The following PLEKHG4 variants were observed in gnomAD, a reference collection of about 807,000 sequenced individuals.
PLEKHG4 encodes the protein pleckstrin homology and RhoGEF domain containing G4.
PLEKHG4 carries 85 observed loss-of-function variants against 136.9 expected under a neutral mutation model. The ratio of observed to expected loss-of-function variants is 0.62; its 90% CI spans 0.52 to 0.74. The LOEUF (loss-of-function observed/expected upper bound fraction) is 0.74. PLEKHG4 is among the 30% of genes least tolerant of loss of function. PLEKHG4 has a pLI of 0.00. For synonymous variants in PLEKHG4, 577 were observed against 646.9 expected, an observed-to-expected ratio of 0.89 and a Z score of 1.64; for missense variants, 1,317 against 1,527.8, an observed-to-expected ratio of 0.86 and a Z score of 2.30.
At position 67,280,922 on chromosome 16, in the gene PLEKHG4, T is replaced by C; in HGVS notation, c.636T>C (p.Cys212=). The change falls in exon 4 of 22, where the codon TGT becomes TGC. Residue 212 remains cysteine (C), a synonymous_variant. Transcript: ENST00000379344. This position sits in a 1 kb window ranked among gnomAD's most constrained non-coding sequence, Gnocchi z 4.4. ...AAGGCCGGGCAGTGCTGCTTCTGTG[T>C]GCCCACAGCCCAGCCTGGCTTCAGT... is the stretch of plus-strand genomic sequence containing the variant. ...DVQGRAVLLL[C]AHSPAWLQSE... The C allele has an allele frequency of 6.2e-7, 1 of 1,613,118 alleles. No homozygotes were observed. Among genetic ancestry groups the C allele is most frequent in the Non-Finnish European group, 8.5e-7 (1 of 1,180,014 alleles).
chr16:67,287,564 T>C, intron 18 of PLEKHG4: 1 of 479,852 alleles, frequency 2.1e-6, no homozygotes. Context: ...CATGCCTAAT[T>C]TGTAAAATTT....
chr16:67,289,057 C>A lies in PLEKHG4; in HGVS notation c.*249C>A. The A allele has an allele frequency of 1.6e-6, 1 of 614,066 alleles. No individual in the cohort carries two copies. Among genetic ancestry groups the A allele is most frequent in the Non-Finnish European group, 2.9e-6 (1 of 339,502 alleles). 38.0% of individuals were successfully genotyped at this position (614,066 alleles called of 1,614,324 possible). A position where few individuals can be genotyped will look rare whatever the true frequency, so the allele number is the denominator to read the frequency against. On this transcript the variant is annotated 3_prime_UTR_variant, in exon 22 of 22. Transcript: ENST00000379344. ...TGACCCCTTCTCCTGTCCCCAGCTC[C>A]CATCCCAGTTGTGGGTTAAGAATAG...
chr16:67,288,347 C>T lies in PLEKHG4; in HGVS notation c.3401C>T (p.Pro1134Leu), dbSNP rs2036583924. 1 of 1,611,920 alleles carries T rather than the reference C, an allele frequency of 6.2e-7. No homozygotes were observed. The highest frequency in any genetic ancestry group is 2.2e-5 in the East Asian group (1 of 44,878). Residue 1134 changes from proline to leucine, a missense_variant, in exon 20 of 22, where the codon CCA (proline) becomes CTA (leucine). Pro to Leu is a moderately conservative substitution (Grantham distance 98). Transcript: ENST00000379344. ...CGCTGTCCCCTGTATCCCAGCTTCCCAGAGGAAGCAGCACTGGAGGCTGAG... is the reference window on the plus strand; with the variant it reads ...CGCTGTCCCCTGTATCCCAGCTTCCTAGAGGAAGCAGCACTGGAGGCTGAG... ...GLRCPLYPSF[P>L]EEAALEAEAE...
In PLEKHG4 at chr16:67,287,987, A is replaced by T; in HGVS notation, c.3193A>T (p.Thr1065Ser). The change falls in exon 19 of 22, where the codon ACC becomes TCC. Residue 1065 changes from threonine (T) to serine (S), a missense_variant. By Grantham distance (58) the Thr-to-Ser change is moderately conservative (BLOSUM62 1). Transcript: ENST00000379344. ...APSEEAINDR[T>S]VNYVLKCREV... Reference sequence around the variant, plus strand: ...CAGCGAGGAAGCCATCAACGACCGCACCGTCAACTATGTCCTGAAGTGCCG... The same window carrying T: ...CAGCGAGGAAGCCATCAACGACCGCTCCGTCAACTATGTCCTGAAGTGCCG... 1 of 1,613,418 alleles carries T rather than the reference A, an allele frequency of 6.2e-7. No homozygotes were observed. Among genetic ancestry groups the T allele is most frequent in the Non-Finnish European group, 8.5e-7 (1 of 1,179,452 alleles).
In PLEKHG4 at chr16:67,286,547, C is replaced by G. The variant is rs542204686; in HGVS notation, c.2635C>G (p.Arg879Gly). 14 of 1,569,480 alleles carry G rather than the reference C, an allele frequency of 8.9e-6. No individual in the cohort carries two copies. The South Asian group carries it at 1.4e-4, about 15-fold the overall frequency. Reference protein sequence around the residue: ...KYALLLQELARACGGPTQELS... With the variant: ...KYALLLQELAGACGGPTQELS... Reference sequence around the variant, plus strand: ...CGCACTGCTGCTGCAGGAGCTGGCACGGGCCTGCGGGGGCCCCACGCAGGA... The same window carrying G: ...CGCACTGCTGCTGCAGGAGCTGGCAGGGGCCTGCGGGGGCCCCACGCAGGA... Residue 879 changes from arginine to glycine, a missense_variant, in exon 16 of 22, where the codon CGG becomes GGG. Physicochemically the swap from Arg to Gly is moderately radical, Grantham distance 125. Transcript: ENST00000379344.
chr16:67,282,350 G>GT lies in PLEKHG4; in HGVS notation c.1253+2dup, dbSNP rs765690277. 6.6e-5 allele frequency: 106 copies of GT among 1,612,046 alleles called. No homozygotes were observed. The highest frequency in any genetic ancestry group is 9.0e-5 in the Non-Finnish European group (106 of 1,179,588). On this transcript the variant is annotated splice_donor_variant, in intron 9 of 21. Coordinates refer to ENST00000379344, the MANE Select transcript of PLEKHG4 (RefSeq NM_001129729.3). LOFTEE classifies it high-confidence loss of function. ...AGGTGACCCTGAGCCCAGACTACAG[G>GT]TGAGTGCAAGCCCGGCCCCCAGATC...
chr16:67,288,131 C>T, intron 19 of PLEKHG4, 36 bp from the exon 20 acceptor site: 1 of 1,591,740 alleles, frequency 6.3e-7, no homozygotes. Flanking sequence ...AGGCTAGGCT[C>T]TGGCCTGTCC....
rs785029 is a variant in PLEKHG4, at chr16:67,287,017, C to T, written c.2943C>T (p.Leu981=). 0.06 allele frequency: 96,882 copies of T among 1,613,298 alleles called. 3,195 individuals carry two copies. Among genetic ancestry groups the T allele is most frequent in the Non-Finnish European group, 0.069 (81,507 of 1,179,958 alleles). Residue 981 remains leucine (L), a synonymous_variant, in exon 18 of 22, where the codon CTC becomes CTT. Transcript: ENST00000379344. ...KRSFKMADLG[L]TECCGNSNLR... Reference sequence around the variant, plus strand: ...GGCCACAGATGGCAGACCTTGGTCTCACTGAGTGCTGTGGGAACAGCAACC... The same window carrying T: ...GGCCACAGATGGCAGACCTTGGTCTTACTGAGTGCTGTGGGAACAGCAACC...
chr16:67,287,298 C>T, intron 18 of PLEKHG4, 121 bp downstream of exon 18: 2 of 999,636 alleles, frequency 2.0e-6, no homozygotes, highest in Non-Finnish European at 3.1e-6. Context: ...CGACAGCCAC[C>T]AGTGCAGGAG....
At chr16:67,287,241 G>A in intron 18 of PLEKHG4, 64 bp downstream of exon 18, 1 of 1,536,186 alleles carries the variant, frequency 6.5e-7, no homozygotes. Context: ...TGACCCACAG[G>A]AGCCCAGAGA....
chr16:67,288,027 C>T lies in PLEKHG4; in HGVS notation c.3220+13C>T, dbSNP rs755824808. 3 of 1,584,846 alleles carry T rather than the reference C, an allele frequency of 1.9e-6. No homozygotes were observed. Among genetic ancestry groups the T allele is most frequent in the South Asian group, 1.1e-5 (1 of 90,478 alleles). ...CTGAAGTGCCGAGGTAGCAGGCAGG[C>T]TACAGGGTGTGGGGGTGGGAGTAGG... On this transcript the variant is annotated intron_variant, in intron 19 of 21. Coordinates refer to ENST00000379344, the MANE Select transcript of PLEKHG4 (RefSeq NM_001129729.3).
At chr16:67,288,106 T>G in intron 19 of PLEKHG4, 61 bp from the exon 20 acceptor site, 1 of 1,565,736 alleles carries the variant, frequency 6.4e-7, no homozygotes, top group Non-Finnish European at 8.8e-7. Context: ...CGCACTTTCC[T>G]TGGGATCTGG....
chr16:67,288,075 G>A (rs2036563658), intron 19 of PLEKHG4, 61 bp downstream of exon 19: 1 of 1,518,012 alleles, frequency 6.6e-7, no homozygotes. Flanking sequence ...GAAGCACTGT[G>A]GCCCTCCATT....
intron 14 of PLEKHG4, 66 bp from the exon 15 acceptor site, chr16:67,286,208 T>A (rs939122392): frequency 1.4e-5 from 17 of 1,187,168 alleles, no homozygotes; most frequent in Admixed American, 5.0e-5. Flanking sequence ...CTGAGGGTGG[T>A]CTAGCCTGTG....
In PLEKHG4 at chr16:67,287,046, G is replaced by A. The variant is rs759935904; in HGVS notation, c.2972G>A (p.Arg991His). 7.4e-6 allele frequency: 12 copies of A among 1,613,288 alleles called. No homozygotes were observed. The highest frequency in any genetic ancestry group is 6.6e-5 in the South Asian group (6 of 91,094). Reference protein sequence around the residue: ...LTECCGNSNLRFEIWFRRRKA... With the variant: ...LTECCGNSNLHFEIWFRRRKA... Reference sequence around the variant, plus strand: ...GAGTGCTGTGGGAACAGCAACCTGCGCTTCGAGATCTGGTTCCGCCGCCGC... The same window carrying A: ...GAGTGCTGTGGGAACAGCAACCTGCACTTCGAGATCTGGTTCCGCCGCCGC... Residue 991 changes from arginine to histidine, a missense_variant, in exon 18 of 22, where the codon CGC becomes CAC. Arg to His is a conservative substitution (Grantham distance 29). Coordinates refer to ENST00000379344, the MANE Select transcript of PLEKHG4 (RefSeq NM_001129729.3).
At chr16:67,278,024 C>T (rs2036055788), upstream of PLEKHG4, 1 of 152,320 alleles carries the variant, frequency 6.6e-6, no homozygotes, top group South Asian at 2.1e-4. Context: ...AGCAGGTCCC[C>T]CCCGGCTCTT....
chr16:67,280,008 C>A lies in PLEKHG4; in HGVS notation c.-37C>A. The A allele has an allele frequency of 6.2e-7, 1 of 1,604,368 alleles. No individual in the cohort carries two copies. Among genetic ancestry groups the A allele is most frequent in the Non-Finnish European group, 8.5e-7 (1 of 1,175,150 alleles). ...TTCACACTGAGACCCAGCCCTCTCC[C>A]GCTGGCCCCGAGCAGGCCCACCTTT... On this transcript the variant is annotated 5_prime_UTR_variant, in exon 2 of 22. Coordinates refer to ENST00000379344, the MANE Select transcript of PLEKHG4 (RefSeq NM_001129729.3). The surrounding 1 kb of genome is among the most constrained non-coding windows in gnomAD (Gnocchi z 4.4).
In PLEKHG4 at chr16:67,288,930, G is replaced by A. The variant is rs374846284; in HGVS notation, c.*122G>A. ...GCTACCTCCAACCTACATGTGCAAC[G>A]CTGTTGACTACCCTTTCTGATGTGT... On this transcript the variant is annotated 3_prime_UTR_variant, in exon 22 of 22. Coordinates refer to ENST00000379344, the MANE Select transcript of PLEKHG4 (RefSeq NM_001129729.3). 59 of 1,068,638 alleles carry A rather than the reference G, an allele frequency of 5.5e-5. 1 individual carries two copies. In the Middle Eastern group the frequency reaches 1.4e-3, roughly 25 times the overall value. 66.2% of individuals were successfully genotyped at this position (1,068,638 alleles called of 1,614,324 possible).
Position 67,280,826 on chromosome 16 carries a change from G to A in PLEKHG4, c.595+20G>A, listed in dbSNP as rs918702277. 3 of 1,613,908 alleles carry A rather than the reference G, an allele frequency of 1.9e-6. No individual in the cohort carries two copies. The highest frequency in any genetic ancestry group is 1.7e-6 in the Non-Finnish European group (2 of 1,180,038). On this transcript the variant is annotated intron_variant, in intron 3 of 21. Coordinates refer to ENST00000379344, the MANE Select transcript of PLEKHG4 (RefSeq NM_001129729.3). The surrounding 1 kb of genome is among the most constrained non-coding windows in gnomAD (Gnocchi z 4.4). ...TGCCAGGTAGCCAGGCGGGCCTAGA[G>A]GCGGTGGAGGTGGAGTGGCCCAATA...
Sources: allele counts gnomAD v4.1 joint callset, GRCh38; gene constraint gnomAD v4.1.1; non-coding constraint Gnocchi (gnomAD v3.1); transcripts MANE v1.5; gene names NCBI Gene and HGNC (gene_info 2026-07-23, HGNC 2026-07-21).